The following CHD9 variants were observed in gnomAD, a reference collection of about 807,000 sequenced individuals.
CHD9 encodes ATP-dependent chromatin remodeler CHD9.
CHD9 carries 77 observed loss-of-function variants against 316.1 expected under a neutral mutation model. The ratio of observed to expected loss-of-function variants is 0.24; its 90% CI spans 0.20 to 0.29. CHD9 has a LOEUF of 0.29. Ranked by LOEUF, CHD9 falls within the 10% of genes least tolerant of loss-of-function variation. CHD9 has a pLI of 1.00. For missense variants in CHD9, 2,763 were observed against 3,438.1 expected, an observed-to-expected ratio of 0.80 and a Z score of 4.91; for synonymous variants, 1,129 against 1,158.3, an observed-to-expected ratio of 0.97 and a Z score of 0.51.
chr16:53,116,999 TACTC>T (rs2038359555), intron 1 of CHD9, among the ~76,000 whole-genome samples: 1 of 152,244 alleles, frequency 6.6e-6, no homozygotes, highest in Non-Finnish European at 1.5e-5. Flanking sequence ...CACATGTTCT[TACTC>T]ATAAGTGGGA....
intron 1 of CHD9, among the ~76,000 whole-genome samples, chr16:53,116,904 C>T (rs1389458907): frequency 6.6e-6 from 1 of 152,116 alleles, no homozygotes. Flanking sequence ...TAAAAAGGAA[C>T]AAGATCATGT....
intron 3 of CHD9, among the ~76,000 whole-genome samples, chr16:53,213,004 C>A (rs938947695): frequency 6.6e-6 from 1 of 152,188 alleles, no homozygotes; most frequent in Non-Finnish European, 1.5e-5. Flanking sequence ...AGGAGCCACA[C>A]CCCTTCCTTC....
intron 19 of CHD9, among the ~76,000 whole-genome samples, chr16:53,262,771 A>G (rs1158903605): frequency 6.6e-6 from 1 of 152,164 alleles, no homozygotes; most frequent in Admixed American, 6.5e-5. Context: ...CAACAGTAAT[A>G]ACTTATTTAA....
chr16:53,197,174 C>T (rs1316738832), intron 2 of CHD9, among the ~76,000 whole-genome samples: 1 of 152,156 alleles, frequency 6.6e-6, no homozygotes, highest in Admixed American at 6.5e-5. Flanking sequence ...GGCTAAGACT[C>T]CTTCATTTTA....
At chr16:53,129,806 C>G (rs925585476) in intron 1 of CHD9, among the ~76,000 whole-genome samples, 1 of 152,184 alleles carries the variant, frequency 6.6e-6, no homozygotes, top group Non-Finnish European at 1.5e-5. Flanking sequence ...AGAAAGCCAG[C>G]TAAGGACCTG....
chr16:53,251,443 T>G lies in CHD9; in HGVS notation c.3861+1377T>G, dbSNP rs2050119558. Among the ~76,000 whole-genome samples the G allele has an allele frequency of 2.0e-5, 3 of 152,310 alleles. No individual in the cohort carries two copies. The South Asian group carries it at 6.2e-4, about 32-fold the overall frequency. ...TATTTGACTGCTAATGTAGATCCAG[T>G]TGTTACAGACTAAGATAATATTTGG... On this transcript the variant is annotated intron_variant, in intron 17 of 38. Coordinates refer to ENST00000447540, the MANE Select transcript of CHD9 (RefSeq NM_001308319.2).
chr16:53,265,568 A>G (rs559367850), intron 20 of CHD9, among the ~76,000 whole-genome samples: 2 of 152,338 alleles, frequency 1.3e-5, no homozygotes, highest in South Asian at 2.1e-4. Flanking sequence ...AGATGATTTA[A>G]TAAATGGTGA....
intron 1 of CHD9, among the ~76,000 whole-genome samples, chr16:53,056,536 G>T (rs2032143686): frequency 6.6e-6 from 1 of 152,172 alleles, no homozygotes; most frequent in African/African-American, 2.4e-5. Context: ...TAATTAATAA[G>T]AAGCATGTCC....
At chr16:53,077,562 C>T (rs1436348073) in intron 1 of CHD9, among the ~76,000 whole-genome samples, 5 of 150,632 alleles carry the variant, frequency 3.3e-5, no homozygotes, top group African/African-American at 4.9e-5. Context: ...CTTCTGACTT[C>T]GTGATCCGCC....
At chr16:53,269,744 A>G (rs532267792) in intron 22 of CHD9, among the ~76,000 whole-genome samples, 176 of 152,320 alleles carry the variant, frequency 1.2e-3, no homozygotes, top group Non-Finnish European at 1.9e-3. Flanking sequence ...TTATCGGATT[A>G]GGAGTGAATA....
chr16:53,101,493 A>G (rs1184417285), intron 1 of CHD9, among the ~76,000 whole-genome samples: 2 of 152,038 alleles, frequency 1.3e-5, no homozygotes, highest in Non-Finnish European at 2.9e-5. Flanking sequence ...CAGGCCGACA[A>G]TTTTTTAATC....
chr16:53,109,865 T>C (rs945809858), intron 1 of CHD9, among the ~76,000 whole-genome samples: 7 of 151,268 alleles, frequency 4.6e-5, no homozygotes, highest in African/African-American at 7.3e-5. Context: ...TTTGTATTTT[T>C]AGTAGAGACG....
intron 3 of CHD9, among the ~76,000 whole-genome samples, chr16:53,218,874 A>T (rs538565488): frequency 7.2e-5 from 11 of 152,318 alleles, no homozygotes; most frequent in Non-Finnish European, 1.5e-5. Context: ...TTGGAGATTG[A>T]TAGCAAGTAG....
At chr16:53,095,977 G>A (rs962228062) in intron 1 of CHD9, among the ~76,000 whole-genome samples, 3 of 152,140 alleles carry the variant, frequency 2.0e-5, no homozygotes, top group Non-Finnish European at 4.4e-5. Context: ...ATCTCTTCAT[G>A]GTTATTGCCT....
At chr16:53,091,510 G>A (rs927296789) in intron 1 of CHD9, among the ~76,000 whole-genome samples, 6 of 152,200 alleles carry the variant, frequency 3.9e-5, no homozygotes, top group Admixed American at 2.6e-4. Flanking sequence ...TACTCACAGG[G>A]AGGAGGCGAA....
At chr16:53,279,752 G>GA (rs1042027256) in intron 24 of CHD9, among the ~76,000 whole-genome samples, 6 of 151,912 alleles carry the variant, frequency 3.9e-5, no homozygotes, top group African/African-American at 9.7e-5. Flanking sequence ...CACAGAGTGG[G>GA]AAAAAATCTT....
intron 30 of CHD9, among the ~76,000 whole-genome samples, chr16:53,303,213 C>T (rs1227931312): frequency 6.9e-6 from 1 of 144,600 alleles, no homozygotes; most frequent in Admixed American, 7.1e-5. Flanking sequence ...TTTTTTTAAG[C>T]TCATCAGCTA....
At chr16:53,250,261 T>C (rs1284132990) in intron 17 of CHD9, 195 bp downstream of exon 17, 5 of 551,194 alleles carry the variant, frequency 9.1e-6, no homozygotes, top group Admixed American at 7.2e-5. Context: ...AAATTTTTAC[T>C]TTTTTATATG....
chr16:53,173,325 A>G (rs1431806895), intron 2 of CHD9, among the ~76,000 whole-genome samples: 1 of 152,088 alleles, frequency 6.6e-6, no homozygotes, highest in African/African-American at 2.4e-5. Context: ...TATCAGTATA[A>G]TGTTTTTCAT....
Sources: allele counts gnomAD v4.1 joint callset (sites outside exome capture counted in the v4.1 genomes callset), GRCh38; gene constraint gnomAD v4.1.1; transcripts MANE v1.5; gene names NCBI Gene and HGNC (gene_info 2026-07-23, HGNC 2026-07-21).